The following AGMO variants were observed in gnomAD, a reference collection of about 807,000 sequenced individuals.
AGMO encodes alkylglycerol monooxygenase.
Under a neutral mutation model 60.2 loss-of-function variants are expected in AGMO, and 75 were observed. That is an observed-to-expected ratio of 1.25 (90% CI 1.03 to 1.51). The LOEUF (loss-of-function observed/expected upper bound fraction) is 1.51. Among genes scored for constraint, AGMO ranks in the 40% most tolerant of loss-of-function variants. The pLI is 0.00. For synonymous variants in AGMO, 261 were observed against 177.1 expected, an observed-to-expected ratio of 1.47 and a Z score of -3.76; for missense variants, 763 against 525.5, an observed-to-expected ratio of 1.45 and a Z score of -4.42.
At chr7:15,501,655 G>A (rs182621436) in intron 3 of AGMO, among the ~76,000 whole-genome samples, 4 of 151,966 alleles carry the variant, frequency 2.6e-5, no homozygotes, top group Non-Finnish European at 5.9e-5. Context: ...GATGGTAGGC[G>A]AAAAATATTG....
chr7:15,522,610 T>C (rs1784026878), intron 3 of AGMO, among the ~76,000 whole-genome samples: 1 of 152,148 alleles, frequency 6.6e-6, no homozygotes, highest in African/African-American at 2.4e-5. Flanking sequence ...ATTCCCCATT[T>C]AATAACTGGT....
the AGMO span, among the ~76,000 whole-genome samples, chr7:15,193,795 T>A: frequency 6.6e-6 from 1 of 151,994 alleles, no homozygotes; most frequent in Non-Finnish European, 1.5e-5. Context: ...ATTTAGAAAA[T>A]TTTTTTCAAA....
chr7:15,209,048 T>A (rs539432965), intron 12 of AGMO, among the ~76,000 whole-genome samples: 1 of 152,308 alleles, frequency 6.6e-6, no homozygotes, highest in South Asian at 2.1e-4. Context: ...AAGAAAATAA[T>A]TCAGTCCTAA....
At chr7:15,501,411 A>G (rs1289387431) in intron 3 of AGMO, among the ~76,000 whole-genome samples, 3 of 151,994 alleles carry the variant, frequency 2.0e-5, no homozygotes, top group Non-Finnish European at 4.4e-5. Flanking sequence ...TAATTTTGAA[A>G]CTGATAATGA....
chr7:15,143,991 G>A, the AGMO span, among the ~76,000 whole-genome samples: 4 of 152,142 alleles, frequency 2.6e-5, no homozygotes, highest in Non-Finnish European at 5.9e-5. Flanking sequence ...GGTATAAACA[G>A]ATTATCACAA....
chr7:15,456,138 AT>A (rs541584415), intron 3 of AGMO, among the ~76,000 whole-genome samples: 9 of 152,084 alleles, frequency 5.9e-5, no homozygotes, highest in Non-Finnish European at 1.3e-4. Flanking sequence ...TCAAGCTTAT[AT>A]TCCAAACCGT....
chr7:15,263,438 T>C (rs930852750), intron 12 of AGMO, among the ~76,000 whole-genome samples: 1 of 151,872 alleles, frequency 6.6e-6, no homozygotes, highest in Non-Finnish European at 1.5e-5. Flanking sequence ...GGCATAGATG[T>C]GGTAAAAAGG....
chr7:15,339,546 A>G lies in AGMO; in HGVS notation c.1263+25968T>C, dbSNP rs1038717604. On this transcript the variant is annotated intron_variant, in intron 12 of 12. Transcript: ENST00000342526. ...CCAAACTTTGTCAATTTGCAACATTATATGTCAGAAATGAGTTTCCATTAT... is the reference window on the plus strand; with the variant it reads ...CCAAACTTTGTCAATTTGCAACATTGTATGTCAGAAATGAGTTTCCATTAT... Among the ~76,000 whole-genome samples, 6 of 152,332 alleles carry G rather than the reference A, an allele frequency of 3.9e-5. No individual in the cohort carries two copies. In the East Asian group the frequency reaches 7.7e-4, roughly 20 times the overall value.
chr7:15,251,562 A>C (rs371167201), intron 12 of AGMO, among the ~76,000 whole-genome samples: 3 of 152,224 alleles, frequency 2.0e-5, no homozygotes, highest in African/African-American at 4.8e-5. Context: ...GTTCTAAGAA[A>C]GCAAGATAGA....
At chr7:15,460,913 T>A (rs1782125905) in intron 3 of AGMO, among the ~76,000 whole-genome samples, 1 of 152,162 alleles carries the variant, frequency 6.6e-6, no homozygotes, top group East Asian at 1.9e-4. Flanking sequence ...ATTATGATAG[T>A]TATATGATTC....
At chr7:15,331,271 A>T (rs1001466740) in intron 12 of AGMO, among the ~76,000 whole-genome samples, 1 of 152,236 alleles carries the variant, frequency 6.6e-6, no homozygotes, top group African/African-American at 2.4e-5. Context: ...TTGAATTCCT[A>T]ATCAATAGAA....
At chr7:15,525,022 A>G (rs571773229) in intron 3 of AGMO, among the ~76,000 whole-genome samples, 102 of 152,264 alleles carry the variant, frequency 6.7e-4, no homozygotes, top group Middle Eastern at 3.4e-3. Flanking sequence ...CTTCTTGGTC[A>G]AGGGGACCCC....
At chr7:15,125,616 C>G in the AGMO span, among the ~76,000 whole-genome samples, 1 of 151,976 alleles carries the variant, frequency 6.6e-6, no homozygotes, top group Non-Finnish European at 1.5e-5. Context: ...TCTTCTGTTT[C>G]TCTTCCAGAC....
Position 15,330,979 on chromosome 7 carries a change from A to G in AGMO, c.1263+34535T>C, listed in dbSNP as rs1051782456. Among the ~76,000 whole-genome samples the G allele has an allele frequency of 9.9e-5, 15 of 152,222 alleles. No individual in the cohort carries two copies. In the South Asian group the frequency reaches 1.0e-3, roughly 11 times the overall value. On this transcript the variant is annotated intron_variant, in intron 12 of 12. Coordinates refer to ENST00000342526, the MANE Select transcript of AGMO (RefSeq NM_001004320.2). Reference sequence around the variant, plus strand: ...ATGGAAGTGATCTTGTGTGACATCTAAAGTTAGGTTATAGAAGGCATTACA... The same window carrying G: ...ATGGAAGTGATCTTGTGTGACATCTGAAGTTAGGTTATAGAAGGCATTACA...
intron 3 of AGMO, among the ~76,000 whole-genome samples, chr7:15,471,007 GT>G (rs1306430989): frequency 6.6e-6 from 1 of 151,886 alleles, no homozygotes; most frequent in Non-Finnish European, 1.5e-5. Context: ...TAAAAATTAA[GT>G]ACTCATGGAG....
chr7:15,420,444 A>C (rs1780894605), intron 4 of AGMO, among the ~76,000 whole-genome samples: 1 of 152,150 alleles, frequency 6.6e-6, no homozygotes, highest in South Asian at 2.1e-4. Flanking sequence ...GCTCACTATG[A>C]ATTCCAAAAT....
At chr7:15,202,373 A>G (rs1386136358) in intron 12 of AGMO, among the ~76,000 whole-genome samples, 2 of 150,324 alleles carry the variant, frequency 1.3e-5, no homozygotes, top group African/African-American at 4.9e-5. Context: ...CTGTTAACTC[A>G]CAGAAAATAC....
chr7:15,404,163 T>A (rs753988666), intron 5 of AGMO, among the ~76,000 whole-genome samples: 10 of 151,878 alleles, frequency 6.6e-5, no homozygotes, highest in Non-Finnish European at 1.5e-4. Flanking sequence ...GATGAATCCA[T>A]ACCACAGGGA....
At chr7:15,231,551 C>T (rs756640795) in intron 12 of AGMO, among the ~76,000 whole-genome samples, 2 of 152,152 alleles carry the variant, frequency 1.3e-5, no homozygotes, top group Non-Finnish European at 1.5e-5. Flanking sequence ...ACACATCACA[C>T]CATTTGAGAA....
Sources: gnomAD v4.1 joint callset for allele counts (sites outside exome capture counted in the v4.1 genomes callset) on GRCh38, gnomAD v4.1.1 for gene constraint, MANE v1.5 for transcripts, NCBI Gene and HGNC (gene_info 2026-07-23, HGNC 2026-07-21) for gene names.